The following SVOP variants were observed in gnomAD, a reference collection of about 807,000 sequenced individuals.
SVOP encodes SV2 related protein.
In SVOP, 17 loss-of-function variants were observed where a neutral mutation model predicts 69.1. The ratio of observed to expected loss-of-function variants is 0.25; its 90% confidence interval spans 0.17 to 0.37. The LOEUF (loss-of-function observed/expected upper bound fraction) is 0.37. SVOP is among the 10% of genes least tolerant of loss of function. SVOP has a pLI of 1.00. For missense variants in SVOP, 435 were observed against 597.5 expected, an observed-to-expected ratio of 0.73 and a Z score of 2.84; for synonymous variants, 238 against 238.6, an observed-to-expected ratio of 1.00 and a Z score of 0.02.
At chr12:108,919,875 C>A in intron 12 of SVOP, 89 bp from the exon 13 acceptor site, 21 of 855,338 alleles carry the variant, frequency 2.5e-5, no homozygotes, top group Non-Finnish European at 3.6e-5. Context: ...CATCCCCTCC[C>A]CTGGAGGGTG....
chr12:109,017,373 C>A (rs1310955691), intron 1 of SVOP, among the ~76,000 whole-genome samples: 1 of 151,872 alleles, frequency 6.6e-6, no homozygotes, highest in Non-Finnish European at 1.5e-5. Context: ...CCACCCCCAT[C>A]CATGGAAAAA....
chr12:108,987,994 C>T (rs2040175476), intron 1 of SVOP, among the ~76,000 whole-genome samples: 1 of 151,992 alleles, frequency 6.6e-6, no homozygotes, highest in Non-Finnish European at 1.5e-5. Flanking sequence ...TGATCATGGC[C>T]CACTGCAGCC....
rs545949463 is a variant in SVOP, at chr12:108,953,914, C to T, written c.578+7009G>A. 3.3e-5 allele frequency among the ~76,000 whole-genome samples: 5 copies of T among 152,060 alleles called. No homozygotes were observed. In the East Asian group the frequency reaches 9.6e-4, roughly 29 times the overall value. On this transcript the variant is annotated intron_variant, in intron 6 of 15. Coordinates refer to ENST00000610966, the MANE Select transcript of SVOP (RefSeq NM_018711.5). The stretch of plus-strand genomic sequence containing the variant: ...ATCGCTTGAGGTCAGGAGTTCGAGA[C>T]CAGCCTGGTCAACATGGTGAAACCC...
chr12:109,004,739 TTTCA>T (rs869168663), intron 1 of SVOP, among the ~76,000 whole-genome samples: 1 of 150,098 alleles, frequency 6.7e-6, no homozygotes. Context: ...TTTCATTTCA[TTTCA>T]TTTATTTTAT....
At chr12:108,926,888 G>A (rs1342008034) in intron 11 of SVOP, among the ~76,000 whole-genome samples, 1 of 152,180 alleles carries the variant, frequency 6.6e-6, no homozygotes, top group Non-Finnish European at 1.5e-5. Context: ...TAGATGCGCT[G>A]ACTACCTTTG....
chr12:108,968,744 T>TTGTGTG (rs554473073), intron 5 of SVOP, among the ~76,000 whole-genome samples: 79,680 of 149,548 alleles, frequency 0.53, 22,385 homozygotes, highest in East Asian at 0.76. Context: ...TGTTTGTCTT[T>TTGTGTG]TGTGTGTGTG....
At chr12:108,959,601 G>A (rs1460009195) in intron 6 of SVOP, among the ~76,000 whole-genome samples, 5 of 152,008 alleles carry the variant, frequency 3.3e-5, no homozygotes, top group South Asian at 2.1e-4. Flanking sequence ...TGATCTATCC[G>A]TCTTGGCCTC....
At chr12:109,017,540 A>G (rs934278298) in intron 1 of SVOP, among the ~76,000 whole-genome samples, 10 of 152,080 alleles carry the variant, frequency 6.6e-5, no homozygotes, top group African/African-American at 2.4e-4. Context: ...AAAATTTTAC[A>G]TTATATATAT....
chr12:108,968,726 T>C (rs1266512235), intron 5 of SVOP, among the ~76,000 whole-genome samples: 1 of 145,472 alleles, frequency 6.9e-6, no homozygotes, highest in East Asian at 2.1e-4. Context: ...TGTGTGTGTG[T>C]GTGTGCATGT....
intron 1 of SVOP, among the ~76,000 whole-genome samples, chr12:109,003,813 G>T (rs750589304): frequency 5.9e-5 from 9 of 152,120 alleles, no homozygotes; most frequent in African/African-American, 9.7e-5. Context: ...TCACTATGTT[G>T]CCCAGGCTGG....
chr12:108,973,560 T>G (rs1160278008), intron 4 of SVOP, among the ~76,000 whole-genome samples: 1 of 151,770 alleles, frequency 6.6e-6, no homozygotes, highest in East Asian at 1.9e-4. Flanking sequence ...CCTAGCTAAT[T>G]TTATTTATTT....
At chr12:108,913,242 G>A (rs936715885) in intron 15 of SVOP, among the ~76,000 whole-genome samples, 1 of 152,042 alleles carries the variant, frequency 6.6e-6, no homozygotes, top group African/African-American at 2.4e-5. Context: ...TGTATTTTTA[G>A]TAGAGATGGG....
At chr12:108,960,551 G>A (rs2137422159) in intron 6 of SVOP, among the ~76,000 whole-genome samples, 1 of 152,260 alleles carries the variant, frequency 6.6e-6, no homozygotes, top group Middle Eastern at 3.4e-3. Flanking sequence ...ATGTGATTCA[G>A]ACAGATGATT....
chr12:108,962,000 G>A (rs905088880), intron 5 of SVOP, among the ~76,000 whole-genome samples: 1 of 152,080 alleles, frequency 6.6e-6, no homozygotes, highest in South Asian at 2.1e-4. Context: ...TAATATAAAG[G>A]CAGTTTCCTG....
In SVOP at chr12:108,997,599, C is replaced by T. The variant is rs1026718310; in HGVS notation, c.36-13838G>A. Among the ~76,000 whole-genome samples, 258 of 152,056 alleles carry T rather than the reference C, an allele frequency of 1.7e-3. 8 individuals are homozygous for T. Among genetic ancestry groups the T allele is most frequent in the Admixed American group, 0.015 (224 of 15,248 alleles). On this transcript the variant is annotated intron_variant, in intron 1 of 15. Coordinates refer to ENST00000610966, the MANE Select transcript of SVOP (RefSeq NM_018711.5). ...GAAGAGAGCAGCGGTTCTCCCAGCA[C>T]GCAGCTGGAGATCTGAGAACGGGCA...
intron 1 of SVOP, among the ~76,000 whole-genome samples, chr12:108,988,675 A>C (rs2040179857): frequency 6.6e-6 from 1 of 151,668 alleles, no homozygotes; most frequent in African/African-American, 2.4e-5. Context: ...CTTATTTTTC[A>C]AGATTGTTTT....
intron 1 of SVOP, among the ~76,000 whole-genome samples, chr12:109,008,824 G>T (rs558387425): frequency 6.6e-6 from 1 of 152,022 alleles, no homozygotes; most frequent in South Asian, 2.1e-4. Flanking sequence ...AGTTGAGTGC[G>T]CACACACTTA....
rs144139528 is a variant in SVOP, at chr12:108,960,815, C to T, written c.578+108G>A. 5 of 1,363,282 alleles carry T rather than the reference C, an allele frequency of 3.7e-6. No individual in the cohort carries two copies. In the African/African-American group the frequency reaches 5.8e-5, roughly 16 times the overall value. 84.4% of individuals were successfully genotyped at this position (1,363,282 alleles called of 1,614,324 possible). ...ATCCTGGAAGCCCTGGTATAGCTAT[C>T]TCTGCACCCCTGCTGCCCCATCTCA... On this transcript the variant is annotated intron_variant, in intron 6 of 15. Transcript: ENST00000610966.
intron 6 of SVOP, among the ~76,000 whole-genome samples, chr12:108,946,596 C>T (rs2039924291): frequency 6.6e-6 from 1 of 151,706 alleles, no homozygotes; most frequent in South Asian, 2.1e-4. Flanking sequence ...TTTCCTCCTC[C>T]CCTTTGTCTA....
Sources: gnomAD v4.1 joint callset for allele counts (sites outside exome capture counted in the v4.1 genomes callset) on GRCh38, gnomAD v4.1.1 for gene constraint, MANE v1.5 for transcripts, NCBI Gene and HGNC (gene_info 2026-07-23, HGNC 2026-07-21) for gene names.